Variants in FBXW4 observed in about 807,000 individuals in gnomAD.
The protein encoded by FBXW4 is F-box and WD repeat domain containing 4.
A neutral mutation model predicts 61.8 loss-of-function variants in FBXW4; 40 were observed. The ratio of observed to expected loss-of-function variants is 0.65; its 90% confidence interval spans 0.50 to 0.84. FBXW4 has a LOEUF of 0.84. FBXW4 is among the 40% of genes least tolerant of loss of function. The pLI, the probability that FBXW4 is intolerant of heterozygous loss-of-function variation, is 0.00. For synonymous variants in FBXW4, 311 were observed against 313.8 expected (o/e 0.99, Z 0.10); for missense variants, 672 against 753.8 (o/e 0.89, Z 1.27).
At chr10:101,656,073 C>T (rs1345700920) in intron 5 of FBXW4, among the ~76,000 whole-genome samples, 2 of 152,190 alleles carry the variant, frequency 1.3e-5, no homozygotes, top group African/African-American at 4.8e-5. Context: ...AAACCCCACA[C>T]AAAGGAAGCG....
chr10:101,687,484 T>C (rs2064545602), intron 1 of FBXW4, among the ~76,000 whole-genome samples: 1 of 152,212 alleles, frequency 6.6e-6, no homozygotes, highest in Non-Finnish European at 1.5e-5. Context: ...CTCCTCAATA[T>C]GACTCCAAAC....
At chr10:101,613,806 G>C (rs1341143907) in intron 6 of FBXW4, among the ~76,000 whole-genome samples, 1 of 152,152 alleles carries the variant, frequency 6.6e-6, no homozygotes, top group African/African-American at 2.4e-5. Context: ...CAGGAGCACT[G>C]CTGCTGCCAG....
intron 5 of FBXW4, among the ~76,000 whole-genome samples, chr10:101,654,223 T>C (rs913494068): frequency 6.6e-6 from 1 of 151,664 alleles, no homozygotes; most frequent in Non-Finnish European, 1.5e-5. Context: ...CATGAAACCA[T>C]GTTTAATGAT....
intron 1 of FBXW4, among the ~76,000 whole-genome samples, chr10:101,677,329 C>T (rs1261642525): frequency 6.6e-6 from 1 of 151,912 alleles, no homozygotes; most frequent in Non-Finnish European, 1.5e-5. Context: ...TAATGGAATA[C>T]TACTCAGCAA....
chr10:101,615,489 G>A lies in FBXW4; in HGVS notation c.1302-3012C>T, dbSNP rs551869247. Among the ~76,000 whole-genome samples, 19 of 152,164 alleles carry A rather than the reference G, an allele frequency of 1.2e-4. No homozygotes were observed. In the East Asian group the frequency reaches 2.3e-3, roughly 19 times the overall value. ...TGATGAATGAGACACAGGCTGAGGA[G>A]GGGCAACCTGGGGGAGACCTGTTTC... On this transcript the variant is annotated intron_variant, in intron 6 of 8. Transcript: ENST00000331272.
intron 1 of FBXW4, among the ~76,000 whole-genome samples, chr10:101,682,076 CA>C (rs960217716): frequency 1.3e-5 from 2 of 151,994 alleles, no homozygotes; most frequent in Non-Finnish European, 2.9e-5. Context: ...TAAATCACTA[CA>C]AAAAAAGTTA....
At chr10:101,692,646 G>A (rs913084475) in intron 1 of FBXW4, among the ~76,000 whole-genome samples, 7 of 148,384 alleles carry the variant, frequency 4.7e-5, no homozygotes, top group East Asian at 2.0e-4. Context: ...TCCCAGCTAC[G>A]CAAGAGGCTG....
intron 5 of FBXW4, among the ~76,000 whole-genome samples, chr10:101,634,129 A>T (rs1274008035): frequency 6.6e-6 from 1 of 151,844 alleles, no homozygotes; most frequent in Non-Finnish European, 1.5e-5. Flanking sequence ...TAAATAAATA[A>T]AATAAAAATA....
Position 101,611,790 on chromosome 10 carries a change from C to T in FBXW4, c.1443-21G>A. On this transcript the variant is annotated intron_variant, in intron 7 of 8. Coordinates refer to ENST00000331272, the MANE Select transcript of FBXW4 (RefSeq NM_022039.4). The surrounding 1 kb of genome is among the most constrained non-coding windows in gnomAD (Gnocchi z 4.9). Reference sequence around the variant, plus strand: ...ATTTCCTGTCCAGGAAGAGGAGAAGCAGAGGGAGGTTTAGGGTACCCTCCA... The same window carrying T: ...ATTTCCTGTCCAGGAAGAGGAGAAGTAGAGGGAGGTTTAGGGTACCCTCCA... The T allele has an allele frequency of 2.5e-6, 4 of 1,607,200 alleles. No homozygotes were observed. Among genetic ancestry groups the T allele is most frequent in the Non-Finnish European group, 3.4e-6 (4 of 1,175,250 alleles).
chr10:101,676,445 A>G lies in FBXW4; in HGVS notation c.726-9T>C. The stretch of plus-strand genomic sequence containing the variant: ...CTGGGACACTGGTCATCCTATGTCC[A>G]GACAGAACAGATAATCCAATCACTA... On this transcript the variant is annotated splice_polypyrimidine_tract_variant and intron_variant, in intron 1 of 8. Transcript: ENST00000331272. 6.2e-7 allele frequency: 1 copy of G among 1,605,964 alleles called. No homozygotes were observed. The highest frequency in any genetic ancestry group is 8.5e-7 in the Non-Finnish European group (1 of 1,174,012).
intron 5 of FBXW4, among the ~76,000 whole-genome samples, chr10:101,663,126 C>G (rs1214379171): frequency 1.3e-5 from 2 of 152,222 alleles, no homozygotes; most frequent in African/African-American, 4.8e-5. Context: ...CTGCCCCATT[C>G]CACATGTGGC....
intron 5 of FBXW4, among the ~76,000 whole-genome samples, chr10:101,646,990 G>T (rs2064105477): frequency 6.6e-6 from 1 of 152,144 alleles, no homozygotes; most frequent in African/African-American, 2.4e-5. Context: ...GTGGTGGTTA[G>T]GAATGGGGTG....
Position 101,694,249 on chromosome 10 carries a change from CGGA to C in FBXW4, c.725+129_725+131del. On this transcript the variant is annotated intron_variant, in intron 1 of 8. Transcript: ENST00000331272. The surrounding 1 kb of genome is among the most constrained non-coding windows in gnomAD (Gnocchi z 6.0). ...GAGAGTGCTCGGGAAAGGGTGTAGG[CGGA>C]GGTCAGGTGTAGGCCTAGAAACTCG... The C allele has an allele frequency of 1.2e-6, 1 of 832,826 alleles. No individual in the cohort carries two copies. The highest frequency in any genetic ancestry group is 3.3e-5 in the South Asian group (1 of 30,346). The allele number at this position is 832,826 out of a possible 1,614,324, so 51.6% of individuals were successfully genotyped here.
chr10:101,659,253 T>A, intron 5 of FBXW4: 1 of 356,188 alleles, frequency 2.8e-6, no homozygotes, highest in Non-Finnish European at 3.9e-6. Flanking sequence ...GGCATGAGGG[T>A]GTCCACCTGT....
intron 1 of FBXW4, among the ~76,000 whole-genome samples, chr10:101,693,954 C>A (rs2064639348): frequency 6.6e-6 from 1 of 152,088 alleles, no homozygotes; most frequent in South Asian, 2.1e-4. Flanking sequence ...AGATGAAAGT[C>A]CACAAAAATT....
intron 5 of FBXW4, among the ~76,000 whole-genome samples, chr10:101,645,743 T>A (rs907778838): frequency 5.3e-5 from 8 of 152,222 alleles, no homozygotes; most frequent in Non-Finnish European, 7.3e-5. Flanking sequence ...TGAATTCATT[T>A]TTTTTAAAGT....
chr10:101,643,972 T>C (rs756691609), intron 5 of FBXW4, among the ~76,000 whole-genome samples: 20 of 152,192 alleles, frequency 1.3e-4, no homozygotes, highest in Non-Finnish European at 2.1e-4. Context: ...CAAAGCCTAA[T>C]TGACTTACTG....
chr10:101,668,254 C>G (rs2064325763), intron 4 of FBXW4, among the ~76,000 whole-genome samples: 1 of 152,190 alleles, frequency 6.6e-6, no homozygotes, highest in Non-Finnish European at 1.5e-5. Flanking sequence ...TCAGAAGTTC[C>G]ACATTCCTCA....
intron 1 of FBXW4, among the ~76,000 whole-genome samples, chr10:101,681,656 G>T (rs986297813): frequency 6.7e-6 from 1 of 149,282 alleles, no homozygotes; most frequent in Non-Finnish European, 1.5e-5. Context: ...GGCAGCGCTT[G>T]CAGTGAGCTG....
Sources: gnomAD v4.1 joint callset for allele counts (sites outside exome capture counted in the v4.1 genomes callset) on GRCh38, gnomAD v4.1.1 for gene constraint, Gnocchi (gnomAD v3.1) non-coding constraint, MANE v1.5 for transcripts, NCBI Gene and HGNC (gene_info 2026-07-23, HGNC 2026-07-21) for gene names.